The following GABRB1 variants were observed in gnomAD, a reference collection of about 807,000 sequenced individuals.
GABRB1 encodes gamma-aminobutyric acid receptor subunit beta-1.
In GABRB1, 17 loss-of-function variants were observed where a neutral mutation model predicts 51.6. The ratio of observed to expected loss-of-function variants is 0.33; its 90% CI spans 0.23 to 0.49. GABRB1 has a LOEUF of 0.49. Among genes scored for constraint, GABRB1 ranks in the 20% least tolerant of loss-of-function variants. The pLI, the probability that GABRB1 is intolerant of heterozygous loss-of-function variation, is 0.99. For missense variants in GABRB1, 410 were observed against 600.6 expected (o/e 0.68, Z 3.32); for synonymous variants, 247 against 218.9 (o/e 1.13, Z -1.14).
chr4:47,115,782 A>T (rs1715452545), intron 3 of GABRB1, among the ~76,000 whole-genome samples: 1 of 152,186 alleles, frequency 6.6e-6, no homozygotes, highest in Non-Finnish European at 1.5e-5. Flanking sequence ...GTTAACAGTA[A>T]TTAGGAATTT....
At chr4:47,404,906 A>G (rs918472911) in intron 7 of GABRB1, among the ~76,000 whole-genome samples, 8 of 152,226 alleles carry the variant, frequency 5.3e-5, no homozygotes, top group Admixed American at 3.9e-4. Flanking sequence ...CTCAAAGCTA[A>G]TACTATTTTA....
intron 4 of GABRB1, among the ~76,000 whole-genome samples, chr4:47,281,338 C>T (rs1034208978): frequency 6.6e-6 from 1 of 152,026 alleles, no homozygotes; most frequent in East Asian, 1.9e-4. Context: ...ATTAAAACTT[C>T]GATGAGATAT....
chr4:47,127,007 G>A (rs1246470159), intron 3 of GABRB1, among the ~76,000 whole-genome samples: 1 of 151,790 alleles, frequency 6.6e-6, no homozygotes, highest in East Asian at 1.9e-4. Context: ...TAGGTGGTTA[G>A]CCTCTGCTTT....
intron 8 of GABRB1, among the ~76,000 whole-genome samples, chr4:47,423,827 G>A (rs904049186): frequency 6.6e-6 from 1 of 152,104 alleles, no homozygotes; most frequent in African/African-American, 2.4e-5. Context: ...GCTGAATTAG[G>A]ATAACATATA....
At chr4:47,348,979 C>T (rs2109995551) in intron 5 of GABRB1, among the ~76,000 whole-genome samples, 1 of 152,246 alleles carries the variant, frequency 6.6e-6, no homozygotes, top group African/African-American at 2.4e-5. Flanking sequence ...TAAAGAATTG[C>T]TCACTTGATT....
rs543452666 is a variant in GABRB1, at chr4:47,081,711, G to A, written c.240+49227G>A. Among the ~76,000 whole-genome samples, 800 of 152,102 alleles carry A rather than the reference G, an allele frequency of 5.3e-3. 6 individuals are homozygous for A. Among genetic ancestry groups the A allele is most frequent in the African/African-American group, 0.018 (765 of 41,528 alleles). The stretch of plus-strand genomic sequence containing the variant: ...ACTATAATGGCCTTTCTTTAGTACC[G>A]GATATTAGAACCCATGAAAATATAA... On this transcript the variant is annotated intron_variant, in intron 3 of 8. Transcript: ENST00000295454.
chr4:47,269,723 C>T (rs1322022807), intron 4 of GABRB1, among the ~76,000 whole-genome samples: 1 of 151,916 alleles, frequency 6.6e-6, no homozygotes, highest in Non-Finnish European at 1.5e-5. Context: ...TATTATGTGT[C>T]GGGGATGATA....
chr4:47,050,988 T>G (rs1238015639), intron 3 of GABRB1, among the ~76,000 whole-genome samples: 4 of 152,102 alleles, frequency 2.6e-5, no homozygotes, highest in African/African-American at 9.7e-5. Flanking sequence ...GGGTTTTGTG[T>G]GTGCCCTCTC....
chr4:47,002,424 C>G (rs1314663421), intron 1 of GABRB1, among the ~76,000 whole-genome samples: 2 of 152,096 alleles, frequency 1.3e-5, no homozygotes, highest in Non-Finnish European at 1.5e-5. Flanking sequence ...AGGAATTCCT[C>G]TTTTAAATAT....
chr4:47,196,963 T>G (rs1002921813), intron 4 of GABRB1, among the ~76,000 whole-genome samples: 4 of 152,206 alleles, frequency 2.6e-5, no homozygotes, highest in African/African-American at 9.6e-5. Context: ...AGCCCCTCTA[T>G]GCACAAGATT....
chr4:47,038,199 T>C (rs984365732), intron 3 of GABRB1, among the ~76,000 whole-genome samples: 1 of 152,180 alleles, frequency 6.6e-6, no homozygotes, highest in Non-Finnish European at 1.5e-5. Context: ...CAAGAATTTA[T>C]TGAGTTCCCA....
chr4:47,145,819 C>A (rs1717145019), intron 3 of GABRB1, among the ~76,000 whole-genome samples: 1 of 152,082 alleles, frequency 6.6e-6, no homozygotes, highest in Admixed American at 6.6e-5. Context: ...CAGGCTGACT[C>A]ATTCATAGAT....
chr4:47,304,034 C>A (rs1337550716), intron 4 of GABRB1, among the ~76,000 whole-genome samples: 1 of 152,006 alleles, frequency 6.6e-6, no homozygotes. Context: ...TGTATCTGTA[C>A]ACCATGCTTT....
intron 4 of GABRB1, among the ~76,000 whole-genome samples, chr4:47,246,277 C>CATATATATATATAT (rs1160512931): frequency 2.7e-4 from 20 of 72,736 alleles, no homozygotes; most frequent in Non-Finnish European, 3.2e-4. Flanking sequence ...AGTATTCCAT[C>CATATATATATATAT]ATATATATAT....
At chr4:47,225,209 T>C (rs561737766) in intron 4 of GABRB1, among the ~76,000 whole-genome samples, 1 of 152,208 alleles carries the variant, frequency 6.6e-6, no homozygotes, top group East Asian at 1.9e-4. Context: ...TGTTGAGGTA[T>C]TAGTGTTGTC....
At chr4:47,242,391 A>G (rs376826379) in intron 4 of GABRB1, among the ~76,000 whole-genome samples, 4 of 152,122 alleles carry the variant, frequency 2.6e-5, no homozygotes, top group African/African-American at 9.7e-5. Context: ...TAATCCTTTG[A>G]GTATATACCC....
intron 4 of GABRB1, among the ~76,000 whole-genome samples, chr4:47,278,055 G>A (rs1165684106): frequency 6.6e-6 from 1 of 152,066 alleles, no homozygotes; most frequent in Admixed American, 6.6e-5. Flanking sequence ...TATATTTGGA[G>A]AGACAAGTTT....
In GABRB1 at chr4:47,067,592, CT is replaced by C. The variant is rs554134563; in HGVS notation, c.240+35115del. On this transcript the variant is annotated intron_variant, in intron 3 of 8. Coordinates refer to ENST00000295454, the MANE Select transcript of GABRB1 (RefSeq NM_000812.4). The stretch of plus-strand genomic sequence containing the variant: ...TTATGTTATAGTGGTGGCTTCCTTC[CT>C]TTTTTTCTGAGCATGAGTATATTTT... Among the ~76,000 whole-genome samples the C allele has an allele frequency of 3.8e-4, 58 of 151,808 alleles. No individual in the cohort carries two copies. In the East Asian group the frequency reaches 8.3e-3, roughly 22 times the overall value.
chr4:47,050,932 T>C (rs935936433), intron 3 of GABRB1, among the ~76,000 whole-genome samples: 1 of 152,084 alleles, frequency 6.6e-6, no homozygotes, highest in Non-Finnish European at 1.5e-5. Flanking sequence ...AGCAGCATGA[T>C]GGGAAATGAA....
Sources: gnomAD v4.1 joint callset for allele counts (sites outside exome capture counted in the v4.1 genomes callset) on GRCh38, gnomAD v4.1.1 for gene constraint, MANE v1.5 for transcripts, NCBI Gene and HGNC (gene_info 2026-07-23, HGNC 2026-07-21) for gene names.